The following PPP6C variants were observed in gnomAD, a reference collection of about 807,000 sequenced individuals.
PPP6C encodes the protein protein phosphatase 6 catalytic subunit.
A neutral mutation model predicts 39.8 loss-of-function variants in PPP6C; 11 were observed. That is an observed-to-expected ratio of 0.28 (90% CI 0.17 to 0.46). The LOEUF is 0.46. Ranked by LOEUF, PPP6C falls within the 20% of genes least tolerant of loss-of-function variation. PPP6C has a pLI of 1.00. For missense variants in PPP6C, 211 were observed against 373.9 expected, an observed-to-expected ratio of 0.56 and a Z score of 3.59; for synonymous variants, 129 against 130.3, an observed-to-expected ratio of 0.99 and a Z score of 0.07.
At chr9:125,163,698 G>A (rs1828940774) in intron 2 of PPP6C, among the ~76,000 whole-genome samples, 1 of 151,988 alleles carries the variant, frequency 6.6e-6, no homozygotes, top group African/African-American at 2.4e-5. Flanking sequence ...CAAAGTGCTG[G>A]GATTACAGGC....
At chr9:125,151,852 C>A (rs1286073622) in intron 6 of PPP6C, among the ~76,000 whole-genome samples, 1 of 152,238 alleles carries the variant, frequency 6.6e-6, no homozygotes, top group Admixed American at 6.5e-5. Flanking sequence ...TCAGCTGTTA[C>A]AAGATTTCAG....
At chr9:125,163,453 GAC>G (rs1480118702) in intron 2 of PPP6C, among the ~76,000 whole-genome samples, 2 of 152,040 alleles carry the variant, frequency 1.3e-5, no homozygotes, top group Non-Finnish European at 2.9e-5. Flanking sequence ...GTTTTTTTGA[GAC>G]AGTCTCACTC....
chr9:125,158,484 G>A, intron 3 of PPP6C, 102 bp from the exon 4 acceptor site: 1 of 1,162,640 alleles, frequency 8.6e-7, no homozygotes, highest in Non-Finnish European at 1.2e-6. Context: ...CTACAATAAA[G>A]AGTTACATAC....
intron 1 of PPP6C, among the ~76,000 whole-genome samples, chr9:125,174,533 G>C (rs949835249): frequency 9.9e-5 from 15 of 151,518 alleles, no homozygotes; most frequent in African/African-American, 3.1e-4. Context: ...GCTCCTGTTT[G>C]TGTTGAATTT....
At chr9:125,152,720 C>T (rs1835979676) in intron 6 of PPP6C, among the ~76,000 whole-genome samples, 1 of 151,748 alleles carries the variant, frequency 6.6e-6, no homozygotes. Context: ...ATCCCAGCTA[C>T]TCGGGAGGCT....
At position 125,164,218 on chromosome 9, in the gene PPP6C, C is replaced by CTTTTTT. The variant is rs10684647; in HGVS notation, c.172-3318_172-3313dup. 8.0e-5 allele frequency among the ~76,000 whole-genome samples: 6 copies of CTTTTTT among 74,752 alleles called. 2 individuals carry two copies. The highest frequency in any genetic ancestry group is 2.7e-4 in the African/African-American group (5 of 18,326). 49.0% of individuals were successfully genotyped at this position (74,752 alleles called of 152,430 possible). ...CTACTCTATGTCTCTCCCTCACTCT[C>CTTTTTT]TTTTTTTTTTTTTTTTTTTTTTTTT... On this transcript the variant is annotated intron_variant, in intron 2 of 6. Transcript: ENST00000373547.
intron 1 of PPP6C, among the ~76,000 whole-genome samples, chr9:125,177,902 T>C (rs1467162240): frequency 2.0e-5 from 3 of 152,358 alleles, no homozygotes; most frequent in East Asian, 3.9e-4. Flanking sequence ...GAATCATATA[T>C]ATGTAGCCTT....
intron 3 of PPP6C, among the ~76,000 whole-genome samples, chr9:125,159,180 A>G (rs1377558659): frequency 6.7e-6 from 1 of 148,768 alleles, no homozygotes. Context: ...CTGGGATTAC[A>G]GGCATGCACC....
chr9:125,165,248 CAT>C (rs1351658311), intron 2 of PPP6C, among the ~76,000 whole-genome samples: 1 of 151,910 alleles, frequency 6.6e-6, no homozygotes, highest in African/African-American at 2.4e-5. Flanking sequence ...AAATTAATAA[CAT>C]AGGCCAGGCA....
chr9:125,172,336 T>C (rs1829189048), intron 1 of PPP6C, among the ~76,000 whole-genome samples: 1 of 152,104 alleles, frequency 6.6e-6, no homozygotes. Flanking sequence ...TGCCTCAGTC[T>C]CACAAGTACC....
chr9:125,168,137 A>AC (rs774988812), intron 2 of PPP6C, among the ~76,000 whole-genome samples: 2 of 152,094 alleles, frequency 1.3e-5, no homozygotes, highest in Non-Finnish European at 2.9e-5. Flanking sequence ...CACCTTAGAG[A>AC]CCCAAGGGTC....
At chr9:125,177,823 A>C (rs866648913) in intron 1 of PPP6C, among the ~76,000 whole-genome samples, 2 of 152,174 alleles carry the variant, frequency 1.3e-5, no homozygotes, top group African/African-American at 4.8e-5. Flanking sequence ...ACCTCCCTCC[A>C]ACCTCTGAAA....
At chr9:125,161,526 C>T (rs1426492323) in intron 2 of PPP6C, among the ~76,000 whole-genome samples, 1 of 152,158 alleles carries the variant, frequency 6.6e-6, no homozygotes, top group Non-Finnish European at 1.5e-5. Context: ...TCACTGCAGC[C>T]ACAAATTCCT....
intron 1 of PPP6C, chr9:125,188,981 GTATT>G (rs908078917): frequency 6.6e-7 from 1 of 1,508,694 alleles, no homozygotes; most frequent in African/African-American, 1.4e-5. Flanking sequence ...GAAAGTATTT[GTATT>G]TATTGAGAAC....
intron 1 of PPP6C, among the ~76,000 whole-genome samples, chr9:125,188,512 G>A (rs948843238): frequency 6.6e-5 from 10 of 151,450 alleles, no homozygotes; most frequent in African/African-American, 2.2e-4. Context: ...CTAGGCCGGC[G>A]CGGTGGCTCA....
intron 2 of PPP6C, among the ~76,000 whole-genome samples, chr9:125,167,715 A>ATTT (rs879449302): frequency 7.1e-6 from 1 of 141,190 alleles, no homozygotes; most frequent in African/African-American, 2.6e-5. Context: ...AAAAAAAAAA[A>ATTT]TTTTTTTTTT....
chr9:125,185,551 A>AG (rs936471403), intron 1 of PPP6C, among the ~76,000 whole-genome samples: 6 of 151,266 alleles, frequency 4.0e-5, no homozygotes, highest in Admixed American at 6.6e-5. Flanking sequence ...AAAATTAGCC[A>AG]GGAGTGGTGG....
chr9:125,179,900 C>A (rs1182541667), intron 1 of PPP6C, among the ~76,000 whole-genome samples: 1 of 152,122 alleles, frequency 6.6e-6, no homozygotes, highest in Non-Finnish European at 1.5e-5. Context: ...AGGTGATCCA[C>A]CCGCCTCAGC....
At chr9:125,182,155 C>G (rs1829433747) in intron 1 of PPP6C, among the ~76,000 whole-genome samples, 1 of 152,182 alleles carries the variant, frequency 6.6e-6, no homozygotes, top group South Asian at 2.1e-4. Flanking sequence ...TCTTCTCTAC[C>G]TTTTCCTCAA....
Sources: allele counts gnomAD v4.1 joint callset (sites outside exome capture counted in the v4.1 genomes callset), GRCh38; gene constraint gnomAD v4.1.1; transcripts MANE v1.5; gene names NCBI Gene and HGNC (gene_info 2026-07-23, HGNC 2026-07-21).